The following CSMD1 variants were observed in gnomAD, a reference collection of about 807,000 sequenced individuals.
CSMD1 encodes the protein CUB and sushi domain-containing protein 1.
Under a neutral mutation model 417.5 loss-of-function variants are expected in CSMD1, and 213 were observed. That is an observed-to-expected ratio of 0.51 (90% confidence interval 0.46 to 0.57). CSMD1 has a LOEUF of 0.57. Among genes scored for constraint, CSMD1 ranks in the 20% least tolerant of loss-of-function variants. The probability of loss-of-function intolerance (pLI) is 0.00; values close to 1 mark genes in which losing one functional copy is unlikely to be tolerated. For synonymous variants in CSMD1, 2,862 were observed against 1,736.8 expected (o/e 1.65, Z -16.11); for missense variants, 6,923 against 4,529.7 (o/e 1.53, Z -15.17).
intron 42 of CSMD1, among the ~76,000 whole-genome samples, chr8:3,112,089 G>C (rs1353530104): frequency 6.6e-6 from 1 of 151,910 alleles, no homozygotes; most frequent in Non-Finnish European, 1.5e-5. Flanking sequence ...GCTCCCACGA[G>C]ACTGTCAGCC....
chr8:3,083,953 T>C (rs1036658773), intron 49 of CSMD1, among the ~76,000 whole-genome samples: 10 of 151,968 alleles, frequency 6.6e-5, no homozygotes, highest in African/African-American at 2.4e-4. Flanking sequence ...TGTCAGCCAC[T>C]GCACCCAGCC....
intron 6 of CSMD1, among the ~76,000 whole-genome samples, chr8:3,736,037 C>T (rs137862724): frequency 6.6e-6 from 1 of 151,968 alleles, no homozygotes; most frequent in Non-Finnish European, 1.5e-5. Context: ...AATAGAAATA[C>T]AAAGAACTAC....
At chr8:3,151,209 T>G in intron 40 of CSMD1, 188 bp downstream of exon 40, 2 of 518,244 alleles carry the variant, frequency 3.9e-6, no homozygotes, top group Non-Finnish European at 6.9e-6. Flanking sequence ...TTGCATGGCT[T>G]AATTGATTTT....
chr8:2,983,167 T>C (rs1458677620), intron 54 of CSMD1, among the ~76,000 whole-genome samples: 1 of 151,992 alleles, frequency 6.6e-6, no homozygotes, highest in Non-Finnish European at 1.5e-5. Context: ...ACAGAATCTA[T>C]ATCTGATATA....
intron 68 of CSMD1, among the ~76,000 whole-genome samples, chr8:2,943,815 TAGCA>T (rs1449492248): frequency 1.3e-5 from 2 of 152,224 alleles, no homozygotes; most frequent in Admixed American, 6.5e-5. Flanking sequence ...CATCTCAATA[TAGCA>T]GAATTGTTGA....
intron 2 of CSMD1, among the ~76,000 whole-genome samples, chr8:4,485,947 G>C (rs750909640): frequency 1.4e-4 from 22 of 151,958 alleles, no homozygotes; most frequent in African/African-American, 5.1e-4. Context: ...TAGCCACAAA[G>C]TTCATCACTC....
chr8:4,156,672 G>T (rs564775122), intron 3 of CSMD1, among the ~76,000 whole-genome samples: 1 of 152,208 alleles, frequency 6.6e-6, no homozygotes, highest in African/African-American at 2.4e-5. Context: ...TGTGATTTAA[G>T]ATAATTTTCT....
chr8:4,690,160 A>G (rs1806677154), intron 1 of CSMD1, among the ~76,000 whole-genome samples: 1 of 152,188 alleles, frequency 6.6e-6, no homozygotes, highest in Non-Finnish European at 1.5e-5. Context: ...ATAATTTAAG[A>G]TTACCCTCAC....
intron 3 of CSMD1, among the ~76,000 whole-genome samples, chr8:4,099,359 A>G (rs937577884): frequency 2.6e-5 from 4 of 152,096 alleles, no homozygotes; most frequent in Admixed American, 2.0e-4. Flanking sequence ...GTTCAGTCAT[A>G]AAATCTGGTA....
At chr8:3,191,154 T>C (rs2129051157) in intron 33 of CSMD1, among the ~76,000 whole-genome samples, 1 of 152,252 alleles carries the variant, frequency 6.6e-6, no homozygotes, top group South Asian at 2.1e-4. Context: ...TAGGATGAGC[T>C]CAAATCCTAA....
intron 2 of CSMD1, among the ~76,000 whole-genome samples, chr8:4,470,388 T>G (rs994613843): frequency 6.6e-6 from 1 of 152,210 alleles, no homozygotes; most frequent in Non-Finnish European, 1.5e-5. Flanking sequence ...CTCTTATTTT[T>G]ATCTGTAGAA....
intron 50 of CSMD1, among the ~76,000 whole-genome samples, chr8:3,047,417 G>C (rs1811531597): frequency 6.6e-6 from 1 of 152,022 alleles, no homozygotes. Context: ...AGGCTCTAAG[G>C]GCAGGAGATA....
intron 51 of CSMD1, among the ~76,000 whole-genome samples, chr8:3,023,906 G>A (rs527790187): frequency 2.6e-5 from 4 of 151,132 alleles, no homozygotes; most frequent in South Asian, 2.1e-4. Context: ...CCAATGACTC[G>A]GGTGATGCTA....
intron 26 of CSMD1, among the ~76,000 whole-genome samples, chr8:3,250,095 A>G (rs930311703): frequency 1.3e-5 from 2 of 152,230 alleles, no homozygotes; most frequent in Non-Finnish European, 2.9e-5. Flanking sequence ...TTTAGGGTAC[A>G]TGTGCACAAC....
intron 7 of CSMD1, among the ~76,000 whole-genome samples, chr8:3,702,969 G>A (rs1486061715): frequency 6.6e-6 from 1 of 152,200 alleles, no homozygotes; most frequent in Non-Finnish European, 1.5e-5. Context: ...TATTCCAGAT[G>A]CCCTTTTGGA....
chr8:3,779,490 C>T (rs530624978), intron 5 of CSMD1, among the ~76,000 whole-genome samples: 4 of 152,074 alleles, frequency 2.6e-5, no homozygotes, highest in Non-Finnish European at 5.9e-5. Context: ...TTATAGTATT[C>T]ACTGATTTCA....
chr8:3,928,594 A>G (rs1224820113), intron 5 of CSMD1, among the ~76,000 whole-genome samples: 1 of 151,102 alleles, frequency 6.6e-6, no homozygotes, highest in Non-Finnish European at 1.5e-5. Context: ...ATCCACCAAT[A>G]TAATAGATGA....
intron 1 of CSMD1, among the ~76,000 whole-genome samples, chr8:4,815,569 G>C (rs1799154262): frequency 6.6e-6 from 1 of 151,698 alleles, no homozygotes; most frequent in Non-Finnish European, 1.5e-5. Flanking sequence ...GGTGACACAT[G>C]CCTGTAATCC....
At chr8:3,802,979 G>T (rs1800539425) in intron 5 of CSMD1, among the ~76,000 whole-genome samples, 1 of 152,294 alleles carries the variant, frequency 6.6e-6, no homozygotes, top group Middle Eastern at 3.4e-3. Context: ...TGATCATGTT[G>T]TAGGGTGAAA....
Sources: gnomAD v4.1 joint callset for allele counts (sites outside exome capture counted in the v4.1 genomes callset) on GRCh38, gnomAD v4.1.1 for gene constraint, MANE v1.5 for transcripts, NCBI Gene and HGNC (gene_info 2026-07-23, HGNC 2026-07-21) for gene names.